Variants in CENPH observed in about 807,000 individuals in gnomAD.
CENPH encodes centromere protein H.
Under a neutral mutation model 42.9 loss-of-function variants are expected in CENPH, and 40 were observed. The ratio of observed to expected loss-of-function variants is 0.93; its 90% CI spans 0.72 to 1.21. The LOEUF is 1.21. Among genes scored for constraint, CENPH ranks in the 50% most tolerant of loss-of-function variants. The pLI, the probability that CENPH is intolerant of heterozygous loss-of-function variation, is 0.00. For synonymous variants in CENPH, 88 were observed against 96.5 expected (o/e 0.91, Z 0.52); for missense variants, 302 against 292.9 (o/e 1.03, Z -0.23).
rs375795328 is a variant in CENPH at position 69,204,919 on chromosome 5, CT to C, written c.487+1966del. Among the ~76,000 whole-genome samples the C allele has an allele frequency of 8.2e-4, 82 of 99,400 alleles. No individual in the cohort carries two copies. In the Middle Eastern group the frequency reaches 0.028, roughly 34 times the overall value. 65.2% of individuals were successfully genotyped at this position (99,400 alleles called of 152,430 possible). ...GCACCCAGCCATTTTTTTTCTTTTT[CT>C]TTTTTTTTTTTTTTTTGAGATGGAG... On this transcript the variant is annotated intron_variant, in intron 7 of 8. Transcript: ENST00000283006.
rs767949988 is a variant in CENPH at position 69,189,667 on chromosome 5, C to T, written c.33C>T (p.Asp11=). Residue 11 remains aspartate (D), a synonymous_variant, in exon 1 of 9, where the codon GAC becomes GAT. Transcript: ENST00000283006. MEEQPQMQDA[D]EPADSGGEGR... is the part of the protein sequence containing the mutation. ...AGCAGCCCCAGATGCAAGACGCCGA[C>T]GAGCCCGCGGACTCCGGAGGGGAAG... The T allele has an allele frequency of 1.3e-6, 2 of 1,599,898 alleles. No homozygotes were observed. Among genetic ancestry groups the T allele is most frequent in the East Asian group, 2.3e-5 (1 of 44,396 alleles).
At chr5:69,204,597 C>CTTGTTTTTTTTTTTT (rs1748116674) in intron 7 of CENPH, among the ~76,000 whole-genome samples, 2 of 69,570 alleles carry the variant, frequency 2.9e-5, no homozygotes, top group African/African-American at 6.1e-5. Context: ...GCTTGTATTT[C>CTTGTTTTTTTTTTTT]TTTTTTTTTT....
At chr5:69,203,864 G>T (rs1414398031) in intron 7 of CENPH, among the ~76,000 whole-genome samples, 1 of 150,572 alleles carries the variant, frequency 6.6e-6, no homozygotes, top group Non-Finnish European at 1.5e-5. Flanking sequence ...AAAATAAAAG[G>T]ATGTAGTAAA....
intron 4 of CENPH, among the ~76,000 whole-genome samples, chr5:69,196,835 G>A (rs553568693): frequency 6.6e-6 from 1 of 151,974 alleles, no homozygotes; most frequent in Non-Finnish European, 1.5e-5. Flanking sequence ...CCTCATTCTG[G>A]CAGTGTATAC....
At chr5:69,201,499 T>C (rs1025286073) in intron 5 of CENPH, among the ~76,000 whole-genome samples, 1 of 152,228 alleles carries the variant, frequency 6.6e-6, no homozygotes, top group Non-Finnish European at 1.5e-5. Flanking sequence ...AAAAGCAGTT[T>C]GTTCCTTGAA....
chr5:69,197,143 A>G (rs1178576179), intron 5 of CENPH, 34 bp downstream of exon 5: 2 of 1,369,716 alleles, frequency 1.5e-6, no homozygotes, highest in African/African-American at 1.5e-5. Context: ...TTCGGTAAGG[A>G]TGGGATCTGC....
intron 7 of CENPH, among the ~76,000 whole-genome samples, chr5:69,205,391 A>G (rs902813447): frequency 3.3e-5 from 5 of 151,580 alleles, no homozygotes; most frequent in Non-Finnish European, 7.4e-5. Context: ...ACGCCTGGCT[A>G]ATTTTTGTAT....
intron 1 of CENPH, among the ~76,000 whole-genome samples, chr5:69,190,561 A>G (rs547365698): frequency 6.6e-6 from 1 of 152,302 alleles, no homozygotes; most frequent in East Asian, 1.9e-4. Context: ...CCTCTGTTCT[A>G]TATCATAACA....
rs776133832 is a variant in CENPH, at chr5:69,208,252, C to G, written c.544C>G (p.Gln182Glu). The G allele has an allele frequency of 1.3e-6, 2 of 1,593,316 alleles. No individual in the cohort carries two copies. The highest frequency in any genetic ancestry group is 2.2e-5 in the South Asian group (2 of 90,162). The change falls in exon 8 of 9, where the codon CAG (glutamine) becomes GAG (glutamate). Residue 182 changes from glutamine to glutamate, a missense_variant. Transcript: ENST00000283006. Reference sequence around the variant, plus strand: ...AGAAATACAGACTGAAAAGAACAAACAGAAGATTGATTTGGACAGTATGGA... The same window carrying G: ...AGAAATACAGACTGAAAAGAACAAAGAGAAGATTGATTTGGACAGTATGGA... ...LLEIQTEKNK[Q>E]KIDLDSMENS...
Position 69,197,089 on chromosome 5 carries a change from GA to G in CENPH, c.355del (p.Ile119LeufsTer12). The G allele has an allele frequency of 6.3e-7, 1 of 1,580,334 alleles. No individual in the cohort carries two copies. Among genetic ancestry groups the G allele is most frequent in the Admixed American group, 2.0e-5 (1 of 50,926 alleles). On this transcript the variant is annotated frameshift_variant, in exon 5 of 9. Coordinates refer to ENST00000283006, the MANE Select transcript of CENPH (RefSeq NM_022909.4). LOFTEE classifies it high-confidence loss of function. Reference protein sequence around the residue: ...LSTALKKNLEKISRQSSVLMD... With the variant: ...LSTALKKNLEXISRQSSVLMD... ...CAACTGCACTTAAAAAAAACCTGGA[GA>G]AAATTAGCAGACAGTCTAGGTATGA...
chr5:69,191,725 C>T, intron 1 of CENPH, 70 bp from the exon 2 acceptor site: 2 of 827,630 alleles, frequency 2.4e-6, no homozygotes, highest in East Asian at 2.6e-5. Flanking sequence ...TGAGTTGGTT[C>T]GTCATGTGGT....
chr5:69,196,017 T>C (rs1747958389), intron 4 of CENPH, among the ~76,000 whole-genome samples: 1 of 152,164 alleles, frequency 6.6e-6, no homozygotes, highest in South Asian at 2.1e-4. Flanking sequence ...CTGCTCACTG[T>C]AGCCTCAACC....
rs1747877325 is a variant in CENPH at position 69,191,869 on chromosome 5, A to C, written c.190+19A>C. 1 of 1,395,906 alleles carries C rather than the reference A, an allele frequency of 7.2e-7. No individual in the cohort carries two copies. The allele number at this position is 1,395,906 out of a possible 1,614,324, so 86.5% of individuals were successfully genotyped here. The stretch of plus-strand genomic sequence containing the variant: ...GATGCAAGTAAGTATTTTCATTTTC[A>C]AATTAGGGTTTTGTTGTTTGTTTGT... On this transcript the variant is annotated intron_variant, in intron 2 of 8. Coordinates refer to ENST00000283006, the MANE Select transcript of CENPH (RefSeq NM_022909.4).
At position 69,209,698 on chromosome 5, in the gene CENPH, TC is replaced by T; in HGVS notation, c.652-8del. On this transcript the variant is annotated splice_polypyrimidine_tract_variant and splice_region_variant and intron_variant, in intron 8 of 8. Transcript: ENST00000283006. ...CTTGTAACTTTAAAACAATTTTTTTTCTTTACAGAACCTTATTTTGGGGAGT... is the reference window on the plus strand; with the variant it reads ...CTTGTAACTTTAAAACAATTTTTTTTTTTACAGAACCTTATTTTGGGGAGT... 6.8e-7 allele frequency: 1 copy of T among 1,479,332 alleles called. No individual in the cohort carries two copies. The highest frequency in any genetic ancestry group is 9.3e-7 in the Non-Finnish European group (1 of 1,078,438). 91.6% of individuals were successfully genotyped at this position (1,479,332 alleles called of 1,614,324 possible).
chr5:69,210,058 G>A lies in CENPH; in HGVS notation c.*259G>A. ...GCTTTGTTGCCCAGACTGGAGGGCA[G>A]TGGCGCGATCTCGGCTCACTGCAAC... On this transcript the variant is annotated 3_prime_UTR_variant, in exon 9 of 9. Coordinates refer to ENST00000283006, the MANE Select transcript of CENPH (RefSeq NM_022909.4). The A allele has an allele frequency of 4.2e-6, 1 of 238,676 alleles. No individual in the cohort carries two copies. The allele number at this position is 238,676 out of a possible 1,614,324, so 14.8% of individuals were successfully genotyped here.
intron 2 of CENPH, among the ~76,000 whole-genome samples, chr5:69,193,352 C>T (rs1331369546): frequency 6.6e-6 from 1 of 151,776 alleles, no homozygotes; most frequent in Admixed American, 6.6e-5. Context: ...AGAACATTTT[C>T]GGCTGAGCAT....
At position 69,194,725 on chromosome 5, in the gene CENPH, G is replaced by T. The variant is rs1371278639; in HGVS notation, c.239+30G>T. 3.0e-6 allele frequency: 4 copies of T among 1,351,000 alleles called. No homozygotes were observed. In the South Asian group the frequency reaches 5.0e-5, roughly 17 times the overall value. 83.7% of individuals were successfully genotyped at this position (1,351,000 alleles called of 1,614,324 possible). ...GTTATATTTAAAAATTTTGTTTATG[G>T]TCTTTACTAAGATTTAATCATATTT... On this transcript the variant is annotated intron_variant, in intron 3 of 8. Coordinates refer to ENST00000283006, the MANE Select transcript of CENPH (RefSeq NM_022909.4).
In CENPH at chr5:69,191,779, CT is replaced by C. The variant is rs759374984; in HGVS notation, c.135-13del. The C allele has an allele frequency of 9.4e-6, 14 of 1,483,348 alleles. No individual in the cohort carries two copies. The highest frequency in any genetic ancestry group is 1.3e-5 in the Non-Finnish European group (14 of 1,062,946). 91.9% of individuals were successfully genotyped at this position (1,483,348 alleles called of 1,614,324 possible). ...CAATAAATATGTGACTTTATATTCT[CT>C]TTATCTGTTTTCAGGCTGAGAGCAC... is the stretch of plus-strand genomic sequence containing the variant. On this transcript the variant is annotated splice_polypyrimidine_tract_variant and intron_variant, in intron 1 of 8. Transcript: ENST00000283006.
Position 69,197,060 on chromosome 5 carries a change from C to T in CENPH, c.322C>T (p.Leu108Phe). ...IKKLALDRMR[L>F]STALKKNLEK... ...GCTTTTTCCCTCTCATAGGATGAGA[C>T]TTTCAACTGCACTTAAAAAAAACCT... The change falls in exon 5 of 9, where the codon CTT becomes TTT. Residue 108 changes from leucine (L) to phenylalanine (F), a missense_variant. By Grantham distance (22) the Leu-to-Phe change is conservative. Coordinates refer to ENST00000283006, the MANE Select transcript of CENPH (RefSeq NM_022909.4). 1.3e-6 allele frequency: 2 copies of T among 1,573,122 alleles called. No individual in the cohort carries two copies. The highest frequency in any genetic ancestry group is 8.6e-7 in the Non-Finnish European group (1 of 1,166,548).
Sources: gnomAD v4.1 joint callset for allele counts (sites outside exome capture counted in the v4.1 genomes callset) on GRCh38, gnomAD v4.1.1 for gene constraint, MANE v1.5 for transcripts, NCBI Gene and HGNC (gene_info 2026-07-23, HGNC 2026-07-21) for gene names.